Variants in GBE1 observed in about 807,000 individuals in gnomAD.
GBE1 encodes 1,4-alpha-glucan-branching enzyme.
Under a neutral mutation model 88.8 loss-of-function variants are expected in GBE1, and 70 were observed. The ratio of observed to expected loss-of-function variants is 0.79; its 90% CI spans 0.65 to 0.96. The LOEUF (loss-of-function observed/expected upper bound fraction) is 0.96, where lower values mean the gene tolerates loss of function less well. GBE1 is among the 40% of genes least tolerant of loss of function. The pLI is 0.00. For synonymous variants in GBE1, 284 were observed against 300.1 expected (o/e 0.95, Z 0.56); for missense variants, 872 against 871.0 (o/e 1.00, Z -0.01).
chr3:81,724,545 A>G (rs1002098324), intron 1 of GBE1, among the ~76,000 whole-genome samples: 4 of 152,148 alleles, frequency 2.6e-5, no homozygotes, highest in Admixed American at 1.3e-4. Flanking sequence ...ATAAATAAAT[A>G]AAAGCTCTAA....
chr3:81,527,831 G>C (rs1345866060), intron 14 of GBE1, among the ~76,000 whole-genome samples: 1 of 151,910 alleles, frequency 6.6e-6, no homozygotes, highest in Admixed American at 6.6e-5. Flanking sequence ...CATCTAGAAT[G>C]AGAAATACCA....
chr3:81,659,905 A>G (rs1338657933), intron 3 of GBE1, among the ~76,000 whole-genome samples: 1 of 152,210 alleles, frequency 6.6e-6, no homozygotes, highest in Non-Finnish European at 1.5e-5. Context: ...TTCCTCTTGA[A>G]TCTTTAAATA....
rs1272341515 is a variant in GBE1 at position 81,733,848 on chromosome 3, C to T, written c.143+27527G>A. On this transcript the variant is annotated intron_variant, in intron 1 of 15. Coordinates refer to ENST00000429644, the MANE Select transcript of GBE1 (RefSeq NM_000158.4). This position sits in a 1 kb window ranked among gnomAD's most constrained non-coding sequence, Gnocchi z 4.0. Reference sequence around the variant, plus strand: ...AGTCTCCTTGTTCACACCTATATTCCAATTATCTACAACAGTACCTGGCTC... The same window carrying T: ...AGTCTCCTTGTTCACACCTATATTCTAATTATCTACAACAGTACCTGGCTC... 6.6e-6 allele frequency among the ~76,000 whole-genome samples: 1 copy of T among 152,134 alleles called. No individual in the cohort carries two copies. The highest frequency in any genetic ancestry group is 2.4e-5 in the African/African-American group (1 of 41,440).
chr3:81,633,257 T>G (rs943470227), intron 7 of GBE1, among the ~76,000 whole-genome samples: 2 of 152,166 alleles, frequency 1.3e-5, no homozygotes, highest in African/African-American at 4.8e-5. Context: ...TTATCACAAC[T>G]ATAATTGAGA....
chr3:81,585,287 G>A (rs371457150), intron 10 of GBE1, among the ~76,000 whole-genome samples: 3 of 152,038 alleles, frequency 2.0e-5, no homozygotes, highest in East Asian at 3.9e-4. Context: ...AAGAGTAGGC[G>A]CTACAGTTTT....
chr3:81,589,036 G>GA (rs140194048), intron 9 of GBE1, among the ~76,000 whole-genome samples: 2 of 150,070 alleles, frequency 1.3e-5, no homozygotes, highest in Non-Finnish European at 3.0e-5. Context: ...AAATTTTTAA[G>GA]AAAAAAAAGG....
At chr3:81,721,034 C>T (rs1271964507) in intron 1 of GBE1, among the ~76,000 whole-genome samples, 1 of 75,088 alleles carries the variant, frequency 1.3e-5, no homozygotes, top group Non-Finnish European at 2.4e-5. Context: ...GGGAATATCA[C>T]ACTCTGGGGA....
At chr3:81,677,479 T>C (rs1461169327) in intron 2 of GBE1, among the ~76,000 whole-genome samples, 1 of 152,236 alleles carries the variant, frequency 6.6e-6, no homozygotes, top group Non-Finnish European at 1.5e-5. Flanking sequence ...AATTACTTTG[T>C]ATCATGCAGA....
intron 1 of GBE1, among the ~76,000 whole-genome samples, chr3:81,754,170 C>A (rs1706571699): frequency 6.6e-6 from 1 of 152,016 alleles, no homozygotes; most frequent in Non-Finnish European, 1.5e-5. Flanking sequence ...CAACAGAGAA[C>A]CATCTGAAAG....
chr3:81,519,445 C>CT (rs1319152227), intron 14 of GBE1, among the ~76,000 whole-genome samples: 1 of 151,370 alleles, frequency 6.6e-6, no homozygotes, highest in African/African-American at 2.4e-5. Context: ...GGAAAGGGGG[C>CT]TGTTACTACA....
intron 2 of GBE1, among the ~76,000 whole-genome samples, chr3:81,688,530 T>G (rs1055432091): frequency 1.3e-5 from 2 of 152,202 alleles, no homozygotes; most frequent in African/African-American, 4.8e-5. Context: ...AAACATTTAT[T>G]TTTAGTTTTG....
At chr3:81,555,361 C>A (rs540929898) in intron 12 of GBE1, among the ~76,000 whole-genome samples, 1 of 152,218 alleles carries the variant, frequency 6.6e-6, no homozygotes, top group Admixed American at 6.5e-5. Context: ...ATAGGTAAAC[C>A]ATAAACTCTT....
intron 14 of GBE1, among the ~76,000 whole-genome samples, chr3:81,521,425 T>A (rs1379546895): frequency 6.6e-6 from 1 of 151,618 alleles, no homozygotes; most frequent in Admixed American, 6.6e-5. Flanking sequence ...ACCAATGGCA[T>A]AGAATATTTT....
At chr3:81,517,679 G>A (rs1702815988) in intron 14 of GBE1, among the ~76,000 whole-genome samples, 1 of 151,280 alleles carries the variant, frequency 6.6e-6, no homozygotes, top group Admixed American at 6.6e-5. Context: ...TATTAATTGT[G>A]AATTCTACAA....
intron 2 of GBE1, among the ~76,000 whole-genome samples, chr3:81,690,180 A>G (rs1232500042): frequency 6.6e-6 from 1 of 152,202 alleles, no homozygotes; most frequent in Non-Finnish European, 1.5e-5. Context: ...TCCTGCCAGA[A>G]ATAATTGGGT....
At chr3:81,735,858 A>C (rs866419567) in intron 1 of GBE1, among the ~76,000 whole-genome samples, 25 of 152,288 alleles carry the variant, frequency 1.6e-4, no homozygotes, top group Middle Eastern at 6.8e-3. Flanking sequence ...GAATTTCCCC[A>C]GTTATAGAGA....
Position 81,605,013 on chromosome 3 carries a change from A to T in GBE1, c.993-10990T>A, listed in dbSNP as rs549155796. ...CTCAATTTTTTTTAAATCAAAAAAA[A>T]ATATGGCCAGCCTCTAGTGAGAGTA... is the stretch of plus-strand genomic sequence containing the variant. On this transcript the variant is annotated intron_variant, in intron 7 of 15. Coordinates refer to ENST00000429644, the MANE Select transcript of GBE1 (RefSeq NM_000158.4). Among the ~76,000 whole-genome samples, 36 of 152,298 alleles carry T rather than the reference A, an allele frequency of 2.4e-4. 1 individual carries two copies. The highest frequency in any genetic ancestry group is 8.4e-4 in the African/African-American group (35 of 41,548).
At chr3:81,538,288 C>A (rs1703101255) in intron 12 of GBE1, among the ~76,000 whole-genome samples, 2 of 151,882 alleles carry the variant, frequency 1.3e-5, no homozygotes, top group African/African-American at 4.8e-5. Context: ...TAATTTACTG[C>A]AGAGGTGCTT....
intron 10 of GBE1, among the ~76,000 whole-genome samples, chr3:81,582,496 T>C (rs973289880): frequency 1.3e-5 from 2 of 152,144 alleles, no homozygotes; most frequent in African/African-American, 4.8e-5. Flanking sequence ...TTGTAACACA[T>C]AGAACTGTTG....
Sources: gnomAD v4.1 joint callset for allele counts (sites outside exome capture counted in the v4.1 genomes callset) on GRCh38, gnomAD v4.1.1 for gene constraint, Gnocchi (gnomAD v3.1) non-coding constraint, MANE v1.5 for transcripts, NCBI Gene and HGNC (gene_info 2026-07-23, HGNC 2026-07-21) for gene names.